The following PAPPA2 variants were observed in gnomAD, a reference collection of about 807,000 sequenced individuals.
PAPPA2 encodes pappalysin 2.
In PAPPA2, 86 loss-of-function variants were observed where a neutral mutation model predicts 176.4. The observed-to-expected ratio is 0.49, with a 90% CI of 0.41 to 0.58. The LOEUF is 0.58. PAPPA2 is among the 20% of genes least tolerant of loss of function. The pLI is 0.00. For synonymous variants in PAPPA2, 809 were observed against 852.2 expected, an observed-to-expected ratio of 0.95 and a Z score of 0.88; for missense variants, 2,073 against 2,256.9, an observed-to-expected ratio of 0.92 and a Z score of 1.65.
intron 21 of PAPPA2, among the ~76,000 whole-genome samples, chr1:176,823,207 A>T (rs1393043371): frequency 1.3e-5 from 2 of 152,126 alleles, no homozygotes; most frequent in African/African-American, 2.4e-5. Flanking sequence ...TTTGTTTGTT[A>T]TGGTAACATT....
chr1:176,493,970 C>T lies in PAPPA2; in HGVS notation c.-917+30552C>T, dbSNP rs1376147416. On this transcript the variant is annotated intron_variant, in intron 1 of 22. Transcript: ENST00000367662. ...TGCTGTTTAATTGTGTTTTACCATT[C>T]AAAACCTTATTACCAGATGCTCAGG... Among the ~76,000 whole-genome samples, 3 of 152,132 alleles carry T rather than the reference C, an allele frequency of 2.0e-5. No homozygotes were observed. In the East Asian group the frequency reaches 5.8e-4, roughly 29 times the overall value.
intron 3 of PAPPA2, among the ~76,000 whole-genome samples, chr1:176,620,352 A>G (rs1053681454): frequency 6.6e-5 from 10 of 152,266 alleles, no homozygotes; most frequent in Admixed American, 1.3e-4. Flanking sequence ...CAGCTTTGCT[A>G]TTAGTTATAT....
intron 2 of PAPPA2, among the ~76,000 whole-genome samples, chr1:176,559,774 G>A (rs1003213267): frequency 3.3e-5 from 5 of 152,122 alleles, no homozygotes; most frequent in Admixed American, 6.5e-5. Context: ...GGAATGATCC[G>A]AGGTGCTGCA....
At position 176,690,476 on chromosome 1, in the gene PAPPA2, G is replaced by T. The variant is rs368507304; in HGVS notation, c.2431+46G>T. On this transcript the variant is annotated intron_variant, in intron 5 of 22. Coordinates refer to ENST00000367662, the MANE Select transcript of PAPPA2 (RefSeq NM_020318.3). The stretch of plus-strand genomic sequence containing the variant: ...TGTTTTCTGTTAAGAATACATGGGG[G>T]CCTTTGAGAGCTGGGAGGGTGGAGG... The T allele has an allele frequency of 3.6e-5, 57 of 1,588,662 alleles. No homozygotes were observed. In the Middle Eastern group the frequency reaches 6.7e-4, roughly 19 times the overall value.
intron 1 of PAPPA2, among the ~76,000 whole-genome samples, chr1:176,512,467 A>G (rs1648664747): frequency 1.3e-5 from 2 of 152,186 alleles, no homozygotes; most frequent in Non-Finnish European, 2.9e-5. Flanking sequence ...TGCCAAGTAA[A>G]AGAAGCTAGC....
chr1:176,730,857 A>C (rs1662109162), intron 12 of PAPPA2, among the ~76,000 whole-genome samples: 1 of 151,988 alleles, frequency 6.6e-6, no homozygotes, highest in African/African-American at 2.4e-5. Flanking sequence ...AAAACCTTGG[A>C]TTTTTAATAG....
chr1:176,539,792 C>T (rs1320471396), intron 1 of PAPPA2, among the ~76,000 whole-genome samples: 1 of 152,184 alleles, frequency 6.6e-6, no homozygotes, highest in African/African-American at 2.4e-5. Context: ...CACTTTGGTC[C>T]TGTTCCATTC....
At chr1:176,486,757 A>G (rs1054601326) in intron 1 of PAPPA2, among the ~76,000 whole-genome samples, 2 of 152,198 alleles carry the variant, frequency 1.3e-5, no homozygotes, top group Non-Finnish European at 1.5e-5. Context: ...AGGGAGAGGC[A>G]CAATGGGACT....
intron 3 of PAPPA2, among the ~76,000 whole-genome samples, chr1:176,601,110 G>A (rs55782130): frequency 0.028 from 4,227 of 152,186 alleles, 203 homozygotes; most frequent in African/African-American, 0.092. Flanking sequence ...CTCTGCCCTC[G>A]TGAATGGATT....
chr1:176,545,327 G>A (rs1650573286), intron 1 of PAPPA2, among the ~76,000 whole-genome samples: 2 of 151,898 alleles, frequency 1.3e-5, no homozygotes, highest in African/African-American at 4.8e-5. Context: ...TAGGAGCTGT[G>A]TGCCAGTACC....
intron 21 of PAPPA2, among the ~76,000 whole-genome samples, chr1:176,803,057 A>G (rs1665749757): frequency 1.3e-5 from 2 of 152,174 alleles, no homozygotes; most frequent in South Asian, 2.1e-4. Flanking sequence ...TGTTGCTTGC[A>G]TTTGGCCTTT....
Position 176,771,112 on chromosome 1 carries a change from C to T in PAPPA2, c.4647C>T (p.Gly1549=). The change falls in exon 17 of 23, where the codon GGC becomes GGT. Residue 1549 remains glycine, a synonymous_variant. Coordinates refer to ENST00000367662, the MANE Select transcript of PAPPA2 (RefSeq NM_020318.3). ...GCCTCCAGGACAACCACGACGTGGGCACCATCTGCAAATATGAATGCAAAC... is the reference window on the plus strand; with the variant it reads ...GCCTCCAGGACAACCACGACGTGGGTACCATCTGCAAATATGAATGCAAAC... ...PHCLQDNHDV[G]TICKYECKPG... is the part of the protein sequence containing the mutation. 1.2e-6 allele frequency: 2 copies of T among 1,614,184 alleles called. No individual in the cohort carries two copies. Among genetic ancestry groups the T allele is most frequent in the Non-Finnish European group, 1.7e-6 (2 of 1,180,030 alleles).
At chr1:176,514,084 G>T (rs576963910) in intron 1 of PAPPA2, among the ~76,000 whole-genome samples, 11 of 152,290 alleles carry the variant, frequency 7.2e-5, no homozygotes, top group African/African-American at 2.6e-4. Context: ...TGCTGTAAAA[G>T]AATATCTGAG....
chr1:176,728,520 T>C (rs1661986026), intron 12 of PAPPA2, among the ~76,000 whole-genome samples: 1 of 151,914 alleles, frequency 6.6e-6, no homozygotes, highest in Non-Finnish European at 1.5e-5. Flanking sequence ...CCATGAGGGC[T>C]TGAATAAATG....
At chr1:176,524,105 A>G (rs1415674240) in intron 1 of PAPPA2, among the ~76,000 whole-genome samples, 2 of 152,200 alleles carry the variant, frequency 1.3e-5, no homozygotes, top group African/African-American at 4.8e-5. Context: ...ACCTTTTAAC[A>G]TTCAGCATGG....
Position 176,702,675 on chromosome 1 carries a change from C to A in PAPPA2, c.3305C>A (p.Ala1102Asp). The change falls in exon 9 of 23, where the codon GCT becomes GAT. Residue 1102 changes from alanine (A) to aspartate (D), a missense_variant. Coordinates refer to ENST00000367662, the MANE Select transcript of PAPPA2 (RefSeq NM_020318.3). ...GAAGCTGGAGGAGAACTGGGAGAAGCTTCGCCTCCTCTGAACCACATTCAT... is the reference window on the plus strand; with the variant it reads ...GAAGCTGGAGGAGAACTGGGAGAAGATTCGCCTCCTCTGAACCACATTCAT... ...LAEAGGELGE[A>D]SPPLNHIHGA... 12 of 1,613,454 alleles carry A rather than the reference C, an allele frequency of 7.4e-6. No homozygotes were observed. The highest frequency in any genetic ancestry group is 1.0e-5 in the Non-Finnish European group (12 of 1,179,796).
chr1:176,680,913 A>T lies in PAPPA2; in HGVS notation c.2138-9224A>T, dbSNP rs141276924. On this transcript the variant is annotated intron_variant, in intron 4 of 22. Transcript: ENST00000367662. ...TGTAAGTGCTAAGAAACTTTGTTCGAATAAATAAGGAGATGGGGAAAAGAG... is the reference window on the plus strand; with the variant it reads ...TGTAAGTGCTAAGAAACTTTGTTCGTATAAATAAGGAGATGGGGAAAAGAG... Among the ~76,000 whole-genome samples the T allele has an allele frequency of 3.0e-3, 452 of 152,318 alleles. 4 individuals carry two copies. Among genetic ancestry groups the T allele is most frequent in the African/African-American group, 0.011 (439 of 41,580 alleles).
intron 17 of PAPPA2, among the ~76,000 whole-genome samples, chr1:176,772,376 C>T (rs1664269735): frequency 6.6e-6 from 1 of 152,104 alleles, no homozygotes; most frequent in African/African-American, 2.4e-5. Flanking sequence ...ACCAGTGGTG[C>T]CAGGGCATAC....
intron 1 of PAPPA2, among the ~76,000 whole-genome samples, chr1:176,489,266 A>G (rs1287818890): frequency 6.6e-6 from 1 of 152,144 alleles, no homozygotes; most frequent in Non-Finnish European, 1.5e-5. Flanking sequence ...TGGTTAATTG[A>G]TTTCAAGACC....
Sources: allele counts gnomAD v4.1 joint callset (sites outside exome capture counted in the v4.1 genomes callset), GRCh38; gene constraint gnomAD v4.1.1; transcripts MANE v1.5; gene names NCBI Gene and HGNC (gene_info 2026-07-23, HGNC 2026-07-21).